DGKB: variants seen among roughly 807,000 people sequenced by gnomAD.
DGKB encodes 90 kDa diacylglycerol kinase.
In DGKB, 67 loss-of-function variants were observed where a neutral mutation model predicts 114.3. That is an observed-to-expected ratio of 0.59 (90% CI 0.48 to 0.72). DGKB has a LOEUF of 0.72. DGKB is among the 30% of genes least tolerant of loss of function. The pLI is 0.00. For synonymous variants in DGKB, 398 were observed against 323.1 expected, an observed-to-expected ratio of 1.23 and a Z score of -2.49; for missense variants, 907 against 975.2, an observed-to-expected ratio of 0.93 and a Z score of 0.93.
chr7:14,853,245 C>T (rs142519004), intron 1 of DGKB, among the ~76,000 whole-genome samples: 1 of 152,016 alleles, frequency 6.6e-6, no homozygotes, highest in Non-Finnish European at 1.5e-5. Context: ...GAGAAATGGA[C>T]TCAATTTACA....
intron 23 of DGKB, among the ~76,000 whole-genome samples, chr7:14,266,240 A>T (rs572057963): frequency 6.6e-6 from 1 of 152,302 alleles, no homozygotes; most frequent in East Asian, 1.9e-4. Flanking sequence ...TGACTGATTG[A>T]TTCTAAGAAT....
intron 23 of DGKB, among the ~76,000 whole-genome samples, chr7:14,333,287 C>T (rs556254701): frequency 6.6e-6 from 1 of 151,624 alleles, no homozygotes; most frequent in African/African-American, 2.4e-5. Context: ...TGAAATACCC[C>T]TCTACTAAAA....
intron 20 of DGKB, among the ~76,000 whole-genome samples, chr7:14,513,482 C>T (rs1281527660): frequency 6.6e-6 from 1 of 151,730 alleles, no homozygotes; most frequent in Middle Eastern, 3.4e-3. Context: ...ATTCATTCAA[C>T]TTTAAGACAG....
intron 21 of DGKB, among the ~76,000 whole-genome samples, chr7:14,387,097 ATTATTTATTTATTTAT>A (rs140868127): frequency 6.8e-6 from 1 of 147,220 alleles, no homozygotes; most frequent in African/African-American, 2.5e-5. Context: ...GTTTCTTTTG[ATTATTTATTTATTTAT>A]TTATTTATTT....
At chr7:14,925,882 G>A (rs36860) in intron 1 of DGKB, among the ~76,000 whole-genome samples, 42,347 of 151,388 alleles carry the variant, frequency 0.28, 6,289 homozygotes, top group Admixed American at 0.33. Flanking sequence ...CCCACTTCCA[G>A]TATGCATGTC....
intron 21 of DGKB, among the ~76,000 whole-genome samples, chr7:14,360,010 C>A (rs1253743815): frequency 6.6e-6 from 1 of 152,036 alleles, no homozygotes; most frequent in Non-Finnish European, 1.5e-5. Flanking sequence ...AAGACACATG[C>A]ACAGGTATGT....
chr7:14,858,733 A>G (rs775234796), intron 1 of DGKB, among the ~76,000 whole-genome samples: 2 of 152,184 alleles, frequency 1.3e-5, no homozygotes, highest in Admixed American at 6.6e-5. Flanking sequence ...CCGAGATATG[A>G]GTAGGAGCTT....
intron 1 of DGKB, among the ~76,000 whole-genome samples, chr7:14,849,275 G>T (rs1849034419): frequency 6.6e-6 from 1 of 151,878 alleles, no homozygotes; most frequent in African/African-American, 2.4e-5. Context: ...TATATAGAGG[G>T]TCATCTGATA....
At chr7:14,603,467 T>G (rs1426937761) in intron 17 of DGKB, among the ~76,000 whole-genome samples, 1 of 152,116 alleles carries the variant, frequency 6.6e-6, no homozygotes, top group Admixed American at 6.6e-5. Flanking sequence ...TTTCCTTAAA[T>G]AAAATATGGT....
At chr7:14,314,807 A>G (rs1252356278) in intron 23 of DGKB, among the ~76,000 whole-genome samples, 2 of 151,646 alleles carry the variant, frequency 1.3e-5, no homozygotes, top group South Asian at 2.1e-4. Context: ...CCTCGAGAAG[A>G]GCAACTCCAA....
At chr7:14,850,782 C>A (rs2358071) in intron 1 of DGKB, among the ~76,000 whole-genome samples, 57,697 of 151,948 alleles carry the variant, frequency 0.38, 11,754 homozygotes, top group Non-Finnish European at 0.44. Flanking sequence ...CTTAGAGCTA[C>A]AACAATCAGC....
chr7:14,712,577 A>G (rs920565364), intron 6 of DGKB, among the ~76,000 whole-genome samples: 1 of 152,112 alleles, frequency 6.6e-6, no homozygotes, highest in Non-Finnish European at 1.5e-5. Flanking sequence ...AGGCTGAGGC[A>G]GGAGAATCAC....
intron 4 of DGKB, among the ~76,000 whole-genome samples, chr7:14,743,004 T>C (rs1388256563): frequency 6.6e-6 from 1 of 152,194 alleles, no homozygotes; most frequent in Non-Finnish European, 1.5e-5. Flanking sequence ...AAGGATATTA[T>C]ATGTTTTTTT....
At chr7:14,588,616 C>T (rs1006541795) in intron 17 of DGKB, among the ~76,000 whole-genome samples, 6 of 152,124 alleles carry the variant, frequency 3.9e-5, no homozygotes, top group Admixed American at 1.3e-4. Flanking sequence ...TTCCTTTTGG[C>T]TGTAGTGGAG....
intron 12 of DGKB, among the ~76,000 whole-genome samples, chr7:14,682,124 T>A (rs929824992): frequency 6.6e-6 from 1 of 152,098 alleles, no homozygotes; most frequent in Non-Finnish European, 1.5e-5. Context: ...CTAACCCTTT[T>A]AAGCCCATAG....
intron 23 of DGKB, among the ~76,000 whole-genome samples, chr7:14,329,050 G>A (rs766046331): frequency 1.3e-5 from 2 of 151,800 alleles, no homozygotes; most frequent in Non-Finnish European, 1.5e-5. Context: ...CAGAGTGGCC[G>A]CACACTTCCA....
intron 20 of DGKB, among the ~76,000 whole-genome samples, chr7:14,524,748 C>G (rs1790364019): frequency 1.6e-5 from 2 of 124,314 alleles, no homozygotes; most frequent in Admixed American, 8.5e-5. Flanking sequence ...AGAGTGAAGA[C>G]TCTGTCTCAA....
At chr7:14,728,363 A>G (rs989376563) in intron 5 of DGKB, among the ~76,000 whole-genome samples, 2 of 152,134 alleles carry the variant, frequency 1.3e-5, no homozygotes, top group African/African-American at 4.8e-5. Flanking sequence ...AAAATTCACA[A>G]CTTAGCATGA....
At position 14,535,494 on chromosome 7, in the gene DGKB, T is replaced by A. The variant is rs557523084; in HGVS notation, c.1770+38718A>T. 9.9e-5 allele frequency among the ~76,000 whole-genome samples: 15 copies of A among 152,188 alleles called. No homozygotes were observed. In the East Asian group the frequency reaches 2.9e-3, roughly 29 times the overall value. ...AAAAAGAACACGCTAAAGCCATAGTTAGCAGAAGAAAGAAAATGCTGAAGA... is the reference window on the plus strand; with the variant it reads ...AAAAAGAACACGCTAAAGCCATAGTAAGCAGAAGAAAGAAAATGCTGAAGA... On this transcript the variant is annotated intron_variant, in intron 20 of 25. Coordinates refer to ENST00000402815, the MANE Select transcript of DGKB (RefSeq NM_001350709.2).
Sources: gnomAD v4.1 joint callset for allele counts (sites outside exome capture counted in the v4.1 genomes callset) on GRCh38, gnomAD v4.1.1 for gene constraint, MANE v1.5 for transcripts, NCBI Gene and HGNC (gene_info 2026-07-23, HGNC 2026-07-21) for gene names.